PPARA: variants seen among roughly 807,000 people sequenced by gnomAD.
The protein encoded by PPARA is peroxisome proliferator-activated receptor alpha.
PPARA carries 22 observed loss-of-function variants against 42.2 expected under a neutral mutation model. The ratio of observed to expected loss-of-function variants is 0.52; its 90% CI spans 0.37 to 0.74. The LOEUF is 0.74. Ranked by LOEUF, PPARA falls within the 30% of genes least tolerant of loss-of-function variation. The probability of loss-of-function intolerance (pLI) is 0.00; values close to 1 mark genes in which losing one functional copy is unlikely to be tolerated. For missense variants in PPARA, 465 were observed against 608.2 expected, an observed-to-expected ratio of 0.76 and a Z score of 2.48; for synonymous variants, 242 against 239.3, an observed-to-expected ratio of 1.01 and a Z score of -0.10.
At position 46,212,275 on chromosome 22, in the gene PPARA, T is replaced by C. The variant is rs1934014092; in HGVS notation, c.209-2898T>C. Among the ~76,000 whole-genome samples the C allele has an allele frequency of 6.6e-6, 1 of 152,070 alleles. No individual in the cohort carries two copies. The highest frequency in any genetic ancestry group is 2.4e-5 in the African/African-American group (1 of 41,400). On this transcript the variant is annotated intron_variant, in intron 4 of 8. Transcript: ENST00000407236. This position sits in a 1 kb window ranked among gnomAD's most constrained non-coding sequence, Gnocchi z 4.2. ...TTTCACCATGTTGCCCAGGCTGGTC[T>C]CAAACTCCTGAGCTCAAGTTATCTG...
chr22:46,218,982 C>T (rs1476212552), intron 6 of PPARA, among the ~76,000 whole-genome samples: 3 of 151,360 alleles, frequency 2.0e-5, no homozygotes, highest in Non-Finnish European at 4.4e-5. Flanking sequence ...GCGAACATGG[C>T]AAAACCCCGT....
chr22:46,159,844 C>T (rs557876762), intron 2 of PPARA, among the ~76,000 whole-genome samples: 2 of 152,180 alleles, frequency 1.3e-5, no homozygotes, highest in Non-Finnish European at 2.9e-5. Context: ...CTGGCACTAA[C>T]AGCGTTCAAA....
At chr22:46,179,256 C>T (rs1929601903) in intron 3 of PPARA, among the ~76,000 whole-genome samples, 1 of 152,184 alleles carries the variant, frequency 6.6e-6, no homozygotes, top group Non-Finnish European at 1.5e-5. Context: ...GCAAATATTA[C>T]ATCATAACCA....
intron 3 of PPARA, among the ~76,000 whole-genome samples, chr22:46,178,587 G>C (rs1929509067): frequency 6.6e-6 from 1 of 152,108 alleles, no homozygotes; most frequent in Non-Finnish European, 1.5e-5. Flanking sequence ...AAGTATGAGA[G>C]GTGCAAGCCA....
chr22:46,220,065 C>T (rs748106318), intron 7 of PPARA, 51 bp downstream of exon 7: 11 of 1,580,714 alleles, frequency 7.0e-6, no homozygotes, highest in Middle Eastern at 1.7e-4. Flanking sequence ...GAACCAGTGT[C>T]GTAGAGGACG....
intron 7 of PPARA, among the ~76,000 whole-genome samples, chr22:46,223,949 C>T (rs1016803645): frequency 2.2e-5 from 2 of 91,062 alleles, no homozygotes; most frequent in African/African-American, 8.2e-5. Flanking sequence ...GACTCCATCT[C>T]AAAAAAAAAA....
intron 2 of PPARA, chr22:46,155,197 G>C (rs1925123135): frequency 6.6e-6 from 1 of 151,838 alleles, no homozygotes; most frequent in South Asian, 2.1e-4. Context: ...TTTAATGTTT[G>C]TACTAATTTT....
At position 46,167,867 on chromosome 22, in the gene PPARA, A is replaced by G. The variant is rs898269913; in HGVS notation, c.-126-8886A>G. Reference sequence around the variant, plus strand: ...AGAGCAGCCTGGGCAACATAACAAGAGTGGGTCTTTACCAAAAAAAAAAAA... The same window carrying G: ...AGAGCAGCCTGGGCAACATAACAAGGGTGGGTCTTTACCAAAAAAAAAAAA... On this transcript the variant is annotated intron_variant, in intron 2 of 8. Transcript: ENST00000407236. This position sits in a 1 kb window ranked among gnomAD's most constrained non-coding sequence, Gnocchi z 4.1. 6.8e-6 allele frequency among the ~76,000 whole-genome samples: 1 copy of G among 147,650 alleles called. No individual in the cohort carries two copies. Among genetic ancestry groups the G allele is most frequent in the African/African-American group, 2.6e-5 (1 of 38,486 alleles).
At chr22:46,229,175 G>A (rs1432504315) in intron 7 of PPARA, among the ~76,000 whole-genome samples, 1 of 151,926 alleles carries the variant, frequency 6.6e-6, no homozygotes, top group Non-Finnish European at 1.5e-5. Context: ...TGAGTGATTT[G>A]AATAAAGTGA....
chr22:46,159,128 G>A (rs924106201), intron 2 of PPARA, among the ~76,000 whole-genome samples: 4 of 152,108 alleles, frequency 2.6e-5, no homozygotes, highest in African/African-American at 9.7e-5. Context: ...CTGACCTGAA[G>A]TGATCTGCCC....
chr22:46,207,677 ATT>A (rs764662561), intron 4 of PPARA, among the ~76,000 whole-genome samples: 3 of 50,724 alleles, frequency 5.9e-5, no homozygotes, highest in Admixed American at 3.6e-4. Context: ...TATTATTATT[ATT>A]TTTTTTTTTT....
At chr22:46,168,001 T>C (rs1164181038) in intron 2 of PPARA, among the ~76,000 whole-genome samples, 1 of 151,846 alleles carries the variant, frequency 6.6e-6, no homozygotes, top group East Asian at 1.9e-4. Flanking sequence ...CAGTGAATTA[T>C]GACCATGCCA....
chr22:46,239,460 C>A lies in PPARA; in HGVS notation c.*4080C>A, dbSNP rs907641813. ...GGGATGGAGACTCCTTGAGTGCACA[C>A]ACCTGAGCCTGCCCACACACAGGGG... On this transcript the variant is annotated 3_prime_UTR_variant, in exon 9 of 9. Coordinates refer to ENST00000407236, the MANE Select transcript of PPARA (RefSeq NM_005036.6). The A allele has an allele frequency of 6.7e-6, 1 of 150,146 alleles. No homozygotes were observed. Among genetic ancestry groups the A allele is most frequent in the Admixed American group, 6.7e-5 (1 of 14,944 alleles). 9.3% of individuals were successfully genotyped at this position (150,146 alleles called of 1,614,324 possible). A position where few individuals can be genotyped will look rare whatever the true frequency, so the allele number is the denominator to read the frequency against.
rs1933952544 is a variant in PPARA, at chr22:46,211,750, A to G, written c.209-3423A>G. Among the ~76,000 whole-genome samples, 2 of 151,936 alleles carry G rather than the reference A, an allele frequency of 1.3e-5. No homozygotes were observed. Among genetic ancestry groups the G allele is most frequent in the Non-Finnish European group, 2.9e-5 (2 of 67,984 alleles). On this transcript the variant is annotated intron_variant, in intron 4 of 8. Coordinates refer to ENST00000407236, the MANE Select transcript of PPARA (RefSeq NM_005036.6). The surrounding 1 kb of genome is among the most constrained non-coding windows in gnomAD (Gnocchi z 4.1). ...ACCCAGGCTGGAGTGCAGTGGCACA[A>G]TCTCGGCTCACTACAACCTCCGTCT... is the stretch of plus-strand genomic sequence containing the variant.
Position 46,217,504 on chromosome 22 carries a change from C to T in PPARA, c.370-759C>T, listed in dbSNP as rs149862780. Among the ~76,000 whole-genome samples, 385 of 152,204 alleles carry T rather than the reference C, an allele frequency of 2.5e-3. 2 individuals are homozygous for T. Among genetic ancestry groups the T allele is most frequent in the African/African-American group, 8.6e-3 (357 of 41,534 alleles). On this transcript the variant is annotated intron_variant, in intron 5 of 8. Coordinates refer to ENST00000407236, the MANE Select transcript of PPARA (RefSeq NM_005036.6). ...TTTTACAAAGCAAGAAAATTGTTTA[C>T]AAACAGCTGGCTTCCTTTTATTATA...
chr22:46,168,351 C>CAAAAAAAAAAAAAAAAAA (rs35345592), intron 2 of PPARA, among the ~76,000 whole-genome samples: 3 of 14,382 alleles, frequency 2.1e-4, no homozygotes, highest in Non-Finnish European at 4.1e-4. Context: ...GACTCCATCT[C>CAAAAAAAAAAAAAAAAAA]AAAAAAAAAA....
intron 4 of PPARA, among the ~76,000 whole-genome samples, chr22:46,208,103 T>C (rs191511430): frequency 2.5e-4 from 38 of 152,326 alleles, no homozygotes; most frequent in African/African-American, 7.0e-4. Flanking sequence ...ACTTTATTTA[T>C]TAATTTTAGT....
chr22:46,153,186 T>G (rs1383244525), intron 2 of PPARA, among the ~76,000 whole-genome samples: 1 of 145,026 alleles, frequency 6.9e-6, no homozygotes, highest in Non-Finnish European at 1.5e-5. Flanking sequence ...TTTTTTTTTT[T>G]GTGACAGAGT....
chr22:46,198,535 T>A lies in PPARA; in HGVS notation c.152T>A (p.Phe51Tyr). 1 of 1,614,120 alleles carries A rather than the reference T, an allele frequency of 6.2e-7. No homozygotes were observed. The highest frequency in any genetic ancestry group is 8.5e-7 in the Non-Finnish European group (1 of 1,180,024). The change falls in exon 4 of 9, where the codon TTT becomes TAT. Residue 51 changes from phenylalanine to tyrosine, a missense_variant. Around this residue, in one of 2 missense-constraint regions of PPARA, gnomAD observed 152 missense variants for 139.1 expected, o/e 1.09. Coordinates refer to ENST00000407236, the MANE Select transcript of PPARA (RefSeq NM_005036.6). Reference protein sequence around the residue: ...IGEDSSGSFGFTEYQYLGSCP... With the variant: ...IGEDSSGSFGYTEYQYLGSCP... ...GAGGATAGTTCTGGAAGCTTTGGCT[T>A]TACGGAATACCAGTATTTAGGAAGC...
Sources: gnomAD v4.1 joint callset for allele counts (sites outside exome capture counted in the v4.1 genomes callset) on GRCh38, gnomAD v4.1.1 for gene constraint, gnomAD v4.1.1 regional missense constraint, Gnocchi (gnomAD v3.1) non-coding constraint, MANE v1.5 for transcripts, NCBI Gene and HGNC (gene_info 2026-07-23, HGNC 2026-07-21) for gene names.